SLC4A4: variants seen among roughly 807,000 people sequenced by gnomAD.
SLC4A4 encodes solute carrier family 4 member 4, also known as electrogenic sodium bicarbonate cotransporter 1.
In SLC4A4, 27 loss-of-function variants were observed where a neutral mutation model predicts 111.5. The ratio of observed to expected loss-of-function variants is 0.24; its 90% CI spans 0.18 to 0.33. The LOEUF (loss-of-function observed/expected upper bound fraction) is 0.33, where lower values mean the gene tolerates loss of function less well. Among genes scored for constraint, SLC4A4 ranks in the 10% least tolerant of loss-of-function variants. The pLI is 1.00. For synonymous variants in SLC4A4, 443 were observed against 463.4 expected (o/e 0.96, Z 0.57); for missense variants, 909 against 1,315.5 (o/e 0.69, Z 4.78).
At chr4:71,374,172 C>T (rs1332107821) in intron 6 of SLC4A4, among the ~76,000 whole-genome samples, 1 of 152,134 alleles carries the variant, frequency 6.6e-6, no homozygotes, top group Non-Finnish European at 1.5e-5. Context: ...CTTTATTGCC[C>T]AGTGAATTTT....
At chr4:71,291,343 A>T (rs1809127) in intron 3 of SLC4A4, among the ~76,000 whole-genome samples, 4,661 of 152,298 alleles carry the variant, frequency 0.031, 249 homozygotes, top group African/African-American at 0.11. Flanking sequence ...AATAAAATTT[A>T]AAAAAAGTTA....
chr4:71,468,389 C>T (rs1271425965), intron 13 of SLC4A4, among the ~76,000 whole-genome samples: 1 of 152,034 alleles, frequency 6.6e-6, no homozygotes, highest in Non-Finnish European at 1.5e-5. Context: ...AAAATGTTTG[C>T]ATCCCAGTTT....
intron 24 of SLC4A4, among the ~76,000 whole-genome samples, chr4:71,566,759 G>A (rs1175722470): frequency 1.3e-5 from 2 of 151,680 alleles, no homozygotes; most frequent in African/African-American, 4.8e-5. Flanking sequence ...AAAATGATTT[G>A]CTTCTTATCC....
At chr4:71,086,909 G>C (rs1742194220) in intron 1 of SLC4A4, among the ~76,000 whole-genome samples, 1 of 152,004 alleles carries the variant, frequency 6.6e-6, no homozygotes, top group Admixed American at 6.6e-5. Context: ...TCAGGATGGT[G>C]CTGGCCTCAC....
intron 7 of SLC4A4, among the ~76,000 whole-genome samples, chr4:71,414,175 C>T (rs1036521125): frequency 6.6e-6 from 1 of 152,266 alleles, no homozygotes; most frequent in African/African-American, 2.4e-5. Flanking sequence ...TGCCCATGCA[C>T]TCCCTGGATC....
intron 3 of SLC4A4, among the ~76,000 whole-genome samples, chr4:71,336,461 C>G (rs1209605268): frequency 6.6e-6 from 1 of 152,146 alleles, no homozygotes; most frequent in African/African-American, 2.4e-5. Context: ...ATTCAGTACA[C>G]AGTAATTTAA....
chr4:71,208,150 G>A (rs953540835), intron 1 of SLC4A4, among the ~76,000 whole-genome samples: 115 of 152,250 alleles, frequency 7.6e-4, no homozygotes, highest in African/African-American at 2.7e-3. Flanking sequence ...AACAATGTTG[G>A]CTGGGCGTGG....
intron 3 of SLC4A4, among the ~76,000 whole-genome samples, chr4:71,323,443 G>T (rs1727273178): frequency 6.6e-6 from 1 of 151,956 alleles, no homozygotes; most frequent in African/African-American, 2.4e-5. Context: ...GTATAGCTGG[G>T]TTTTTGGGGA....
chr4:71,545,145 T>C (rs560850738), intron 18 of SLC4A4, among the ~76,000 whole-genome samples: 13 of 152,202 alleles, frequency 8.5e-5, no homozygotes, highest in African/African-American at 3.1e-4. Context: ...CCCAAGTAGA[T>C]TTTTGTTCTT....
At chr4:71,403,940 T>C (rs1456245318) in intron 7 of SLC4A4, among the ~76,000 whole-genome samples, 1 of 152,164 alleles carries the variant, frequency 6.6e-6, no homozygotes, top group African/African-American at 2.4e-5. Flanking sequence ...AAGAGCCCAT[T>C]TCTTAATGTG....
intron 1 of SLC4A4, among the ~76,000 whole-genome samples, chr4:71,067,435 C>T (rs528180017): frequency 2.6e-5 from 4 of 152,232 alleles, no homozygotes; most frequent in African/African-American, 7.2e-5. Context: ...ATTATTCAAA[C>T]GTATATCTTG....
chr4:71,346,234 A>G (rs1729318173), intron 4 of SLC4A4, among the ~76,000 whole-genome samples: 1 of 152,082 alleles, frequency 6.6e-6, no homozygotes, highest in Non-Finnish European at 1.5e-5. Context: ...TTTTATCATT[A>G]TTCTTCTAAG....
intron 7 of SLC4A4, among the ~76,000 whole-genome samples, chr4:71,436,677 G>A (rs1724179357): frequency 1.3e-5 from 2 of 152,204 alleles, no homozygotes; most frequent in Admixed American, 1.3e-4. Context: ...CTTAGGAGAT[G>A]CAAAGATAAT....
At chr4:71,361,665 G>A (rs1232074853) in intron 6 of SLC4A4, among the ~76,000 whole-genome samples, 1 of 152,064 alleles carries the variant, frequency 6.6e-6, no homozygotes, top group Non-Finnish European at 1.5e-5. Context: ...ATTGCCAAAG[G>A]TAAAATTAAG....
chr4:71,302,264 T>A (rs890596415), intron 3 of SLC4A4, among the ~76,000 whole-genome samples: 2 of 152,190 alleles, frequency 1.3e-5, no homozygotes, highest in African/African-American at 4.8e-5. Context: ...GAATAATGAT[T>A]TTTTAAAAAT....
chr4:71,509,608 C>T (rs1367526698), intron 16 of SLC4A4, among the ~76,000 whole-genome samples: 1 of 152,108 alleles, frequency 6.6e-6, no homozygotes, highest in East Asian at 1.9e-4. Context: ...TTTAGAATGC[C>T]TGGGCCAGTT....
intron 6 of SLC4A4, among the ~76,000 whole-genome samples, chr4:71,386,917 C>T (rs546757466): frequency 6.6e-6 from 1 of 152,270 alleles, no homozygotes; most frequent in East Asian, 1.9e-4. Flanking sequence ...AGGCATAATT[C>T]TGAGGGGTGC....
In SLC4A4 at chr4:71,451,173, T is replaced by C. The variant is rs1232770480; in HGVS notation, c.1209-15T>C. 21 of 1,495,908 alleles carry C rather than the reference T, an allele frequency of 1.4e-5. No homozygotes were observed. The Admixed American group carries it at 3.5e-4, about 25-fold the overall frequency. The allele number at this position is 1,495,908 out of a possible 1,614,324, so 92.7% of individuals were successfully genotyped here. ...AATAAACTAATATACTCTTGGGCTC[T>C]GTTGTCTTGCTTAGAAAGAATATGT... On this transcript the variant is annotated splice_polypyrimidine_tract_variant and intron_variant, in intron 10 of 25. Transcript: ENST00000264485.
At chr4:71,365,726 A>C (rs765442819) in intron 6 of SLC4A4, among the ~76,000 whole-genome samples, 3 of 152,136 alleles carry the variant, frequency 2.0e-5, no homozygotes, top group Non-Finnish European at 4.4e-5. Context: ...ACACTCTTCA[A>C]GATGTTGAAC....
Sources: gnomAD v4.1 joint callset for allele counts (sites outside exome capture counted in the v4.1 genomes callset) on GRCh38, gnomAD v4.1.1 for gene constraint, MANE v1.5 for transcripts, NCBI Gene and HGNC (gene_info 2026-07-23, HGNC 2026-07-21) for gene names.